CLSPN: variants seen among roughly 807,000 people sequenced by gnomAD.
The protein encoded by CLSPN is claspin, also known as claspin homolog.
A neutral mutation model predicts 156.3 loss-of-function variants in CLSPN; 85 were observed. That is an observed-to-expected ratio of 0.54 (90% CI 0.46 to 0.65). The LOEUF (loss-of-function observed/expected upper bound fraction) is 0.65, where lower values mean the gene tolerates loss of function less well. Ranked by LOEUF, CLSPN falls within the 30% of genes least tolerant of loss-of-function variation. The pLI is 0.00. For missense variants in CLSPN, 1,407 were observed against 1,554.9 expected (o/e 0.90, Z 1.60); for synonymous variants, 534 against 542.4 (o/e 0.98, Z 0.22).
chr1:35,752,716 T>C (rs1337962487), intron 9 of CLSPN, among the ~76,000 whole-genome samples: 1 of 152,072 alleles, frequency 6.6e-6, no homozygotes, highest in Admixed American at 6.5e-5. Context: ...TCTTAAGTGC[T>C]CTGCATATCA....
rs1469757362 is a variant in CLSPN, at chr1:35,747,981, T to A, written c.2553A>T (p.Thr851=). The A allele has an allele frequency of 6.2e-7, 1 of 1,614,174 alleles. No homozygotes were observed. Among genetic ancestry groups the A allele is most frequent in the South Asian group, 1.1e-5 (1 of 91,082 alleles). Reference sequence around the variant, plus strand: ...GGAAGTCTCCTGCTCCTAGGAAAAGTGTCTTAGGCTCTGGGGAGGCGTTAT... The same window carrying A: ...GGAAGTCTCCTGCTCCTAGGAAAAGAGTCTTAGGCTCTGGGGAGGCGTTAT... The part of the protein sequence containing the change: ...DLYNASPEPK[T]LFLGAGDFQF... The change falls in exon 14 of 25, where the codon ACA becomes ACT. Residue 851 remains threonine (T), a synonymous_variant. Coordinates refer to ENST00000318121, the MANE Select transcript of CLSPN (RefSeq NM_022111.4).
chr1:35,746,469 A>T lies in CLSPN; in HGVS notation c.2854+297T>A, dbSNP rs895334185. 6.6e-6 allele frequency among the ~76,000 whole-genome samples: 1 copy of T among 151,350 alleles called. No homozygotes were observed. Among genetic ancestry groups the T allele is most frequent in the Non-Finnish European group, 1.5e-5 (1 of 67,888 alleles). On this transcript the variant is annotated intron_variant, in intron 15 of 24. Coordinates refer to ENST00000318121, the MANE Select transcript of CLSPN (RefSeq NM_022111.4). The surrounding 1 kb of genome is among the most constrained non-coding windows in gnomAD (Gnocchi z 4.2). ...GAGTGCACTGGTGTGATCTCAGCTC[A>T]CTGCAACCTTCATCTCCCAGGCTCA...
intron 10 of CLSPN, 117 bp from the exon 11 acceptor site, chr1:35,749,928 G>T: frequency 8.2e-7 from 1 of 1,212,620 alleles, no homozygotes. Flanking sequence ...AATTCAAAAA[G>T]GTAAACTTGA....
Position 35,760,859 on chromosome 1 carries a change from A to G in CLSPN, c.1062T>C (p.Thr354=), listed in dbSNP as rs1642451526. The G allele has an allele frequency of 1.2e-6, 2 of 1,614,010 alleles. No individual in the cohort carries two copies. The highest frequency in any genetic ancestry group is 4.5e-5 in the East Asian group (2 of 44,878). Reference sequence around the variant, plus strand: ...TACTATGGTGATCACTGTTCATTTCAGTAGTATTTGCAGTGTCTATGATTT... The same window carrying G: ...TACTATGGTGATCACTGTTCATTTCGGTAGTATTTGCAGTGTCTATGATTT... The part of the protein sequence containing the change: ...HKEIIDTANT[T]EMNSDHHSKG... Residue 354 remains threonine, a synonymous_variant, in exon 8 of 25, where the codon ACT becomes ACC. Coordinates refer to ENST00000318121, the MANE Select transcript of CLSPN (RefSeq NM_022111.4).
chr1:35,760,548 C>CCCCCAAAA lies in CLSPN; in HGVS notation c.1372_1373insTTTTGGGG (p.Gly458ValfsTer35), dbSNP rs1272680789. Reference sequence around the variant, plus strand: ...TTCTTCTGGATTTTGGGGGCCTTCACCCTCCAGGGCATGAGGTTCAAATGC... The same window carrying CCCCCAAAA: ...TTCTTCTGGATTTTGGGGGCCTTCACCCCCAAAACCTCCAGGGCATGAGGTTCAAATGC... On this transcript the variant is annotated frameshift_variant, in exon 8 of 25. Transcript: ENST00000318121. LOFTEE classifies it high-confidence loss of function. 2 of 1,614,080 alleles carry CCCCCAAAA rather than the reference C, an allele frequency of 1.2e-6. No homozygotes were observed. Among genetic ancestry groups the CCCCCAAAA allele is most frequent in the Non-Finnish European group, 1.7e-6 (2 of 1,180,044 alleles).
rs1412627245 is a variant in CLSPN, at chr1:35,758,948, AAAC to A, written c.1579+1391_1579+1393del. On this transcript the variant is annotated intron_variant, in intron 8 of 24. Coordinates refer to ENST00000318121, the MANE Select transcript of CLSPN (RefSeq NM_022111.4). Reference sequence around the variant, plus strand: ...TGTGTCTGGCTTTCTTCTCTTTTTTAAACAAAAGATGCTTGAAGAGGTCAAATG... The same window carrying A: ...TGTGTCTGGCTTTCTTCTCTTTTTTAAAAAGATGCTTGAAGAGGTCAAATG... 2.0e-5 allele frequency among the ~76,000 whole-genome samples: 3 copies of A among 151,734 alleles called. No individual in the cohort carries two copies. The East Asian group carries it at 5.8e-4, about 29-fold the overall frequency.
Position 35,749,713 on chromosome 1 carries a change from T to C in CLSPN, c.2127A>G (p.Ala709=), listed in dbSNP as rs1037185225. The C allele has an allele frequency of 2.5e-6, 4 of 1,614,192 alleles. No individual in the cohort carries two copies. Among genetic ancestry groups the C allele is most frequent in the Non-Finnish European group, 3.4e-6 (4 of 1,180,028 alleles). ...NNDGSSEIGK[A]VGFLSVPKSL... is the part of the protein sequence containing the mutation. ...ACTTGGGAACAGAGAGGAAGCCAACTGCCTTGCCAATTTCACTACTGCCAT... is the reference window on the plus strand; with the variant it reads ...ACTTGGGAACAGAGAGGAAGCCAACCGCCTTGCCAATTTCACTACTGCCAT... The change falls in exon 11 of 25, where the codon GCA becomes GCG. Residue 709 remains alanine, a synonymous_variant. Coordinates refer to ENST00000318121, the MANE Select transcript of CLSPN (RefSeq NM_022111.4).
In CLSPN at chr1:35,748,613, A is replaced by G. The variant is rs1162857916; in HGVS notation, c.2273-9T>C. On this transcript the variant is annotated splice_polypyrimidine_tract_variant and intron_variant, in intron 12 of 24. Coordinates refer to ENST00000318121, the MANE Select transcript of CLSPN (RefSeq NM_022111.4). Reference sequence around the variant, plus strand: ...ACATGAATCATCCTCATCTAAAGAAAGAGAAACACCTTTTAAGCACATGAT... The same window carrying G: ...ACATGAATCATCCTCATCTAAAGAAGGAGAAACACCTTTTAAGCACATGAT... 1.9e-6 allele frequency: 3 copies of G among 1,609,636 alleles called. No homozygotes were observed. Among genetic ancestry groups the G allele is most frequent in the Admixed American group, 1.7e-5 (1 of 59,986 alleles).
Position 35,738,546 on chromosome 1 carries a change from G to C in CLSPN, c.3467C>G (p.Ser1156Cys). The C allele has an allele frequency of 6.2e-7, 1 of 1,613,972 alleles. No individual in the cohort carries two copies. Among genetic ancestry groups the C allele is most frequent in the Non-Finnish European group, 8.5e-7 (1 of 1,179,920 alleles). Residue 1156 changes from serine (S) to cysteine (C), a missense_variant, in exon 21 of 25, where the codon TCT becomes TGT. By Grantham distance (112) the Ser-to-Cys change is moderately radical. Around this residue, in one of 3 missense-constraint regions of CLSPN, gnomAD observed 241 missense variants for 240.5 expected, o/e 1.00. Coordinates refer to ENST00000318121, the MANE Select transcript of CLSPN (RefSeq NM_022111.4). ...ASQMDLFHRD[S>C]DDDQTEEQLD... ...CTGTTCTTCAGTCTGATCATCATCA[G>C]AGTCTCTGTGGAACAAGTCCATCTG...
chr1:35,743,713 T>A, intron 16 of CLSPN, 183 bp from the exon 17 acceptor site: 1 of 580,310 alleles, frequency 1.7e-6, no homozygotes, highest in Non-Finnish European at 3.1e-6. Context: ...AACCTCCACC[T>A]CCAGGGCTCA....
intron 11 of CLSPN, 48 bp downstream of exon 11, chr1:35,749,584 AG>A: frequency 6.2e-7 from 1 of 1,613,854 alleles, no homozygotes; most frequent in African/African-American, 1.3e-5. Context: ...TTTTTACAGG[AG>A]GGGCAAATCC....
intron 8 of CLSPN, among the ~76,000 whole-genome samples, chr1:35,758,163 ATTT>A (rs1435197097): frequency 6.6e-6 from 1 of 150,740 alleles, no homozygotes; most frequent in African/African-American, 2.5e-5. Flanking sequence ...ATGAAAGATA[ATTT>A]TTTTGTGTTT....
At chr1:35,757,982 CAG>C (rs1317652702) in intron 8 of CLSPN, among the ~76,000 whole-genome samples, 6 of 151,266 alleles carry the variant, frequency 4.0e-5, no homozygotes, top group African/African-American at 1.5e-4. Context: ...TTTAATGAAA[CAG>C]AATCTTTTTT....
chr1:35,743,389 A>G (rs1428036234), intron 17 of CLSPN, 66 bp downstream of exon 17: 1 of 1,472,482 alleles, frequency 6.8e-7, no homozygotes, highest in African/African-American at 1.4e-5. Flanking sequence ...ACTGAGGGGA[A>G]AAAAACACTT....
chr1:35,738,999 C>T, intron 20 of CLSPN, 137 bp downstream of exon 20: 1 of 973,906 alleles, frequency 1.0e-6, no homozygotes, highest in Non-Finnish European at 1.5e-6. Context: ...CGGGGTTTCA[C>T]CATGTTGTTC....
rs1642023135 is a variant in CLSPN, at chr1:35,749,865, G to A, written c.2029-54C>T. On this transcript the variant is annotated intron_variant, in intron 10 of 24. Transcript: ENST00000318121. The stretch of plus-strand genomic sequence containing the variant: ...AAAATACAAGTCAAAACATTTAAAA[G>A]CAAATACACTGGTAGCCTGAAATAT... The A allele has an allele frequency of 2.1e-5, 33 of 1,571,850 alleles. No homozygotes were observed. In the South Asian group the frequency reaches 3.8e-4, roughly 18 times the overall value.
chr1:35,769,661 G>A (rs1642798680), intron 1 of CLSPN, among the ~76,000 whole-genome samples, 186 bp downstream of exon 1: 5 of 152,116 alleles, frequency 3.3e-5, no homozygotes, highest in Admixed American at 2.0e-4. Context: ...CCGGCGGCGG[G>A]ACGGGATGCC....
At chr1:35,726,079 C>A (rs960717278) in intron 24 of CLSPN, among the ~76,000 whole-genome samples, 18 of 134,244 alleles carry the variant, frequency 1.3e-4, no homozygotes, top group Non-Finnish European at 4.7e-5. Context: ...GTTGGTTGCA[C>A]CCAAACTCAA....
rs1308512622 is a variant in CLSPN, at chr1:35,733,324, T to C, written c.*3172A>G. 3 of 246,832 alleles carry C rather than the reference T, an allele frequency of 1.2e-5. No homozygotes were observed. Among genetic ancestry groups the C allele is most frequent in the African/African-American group, 4.6e-5 (2 of 43,044 alleles). 15.3% of individuals were successfully genotyped at this position (246,832 alleles called of 1,614,324 possible). Reference sequence around the variant, plus strand: ...CACTAATTTTCTTTTTTTTTTCTTTTTTTTTTTTTTTTTAGAGTTGGGATT... The same window carrying C: ...CACTAATTTTCTTTTTTTTTTCTTTCTTTTTTTTTTTTTAGAGTTGGGATT... On this transcript the variant is annotated 3_prime_UTR_variant, in exon 25 of 25. Transcript: ENST00000318121.
Sources: gnomAD v4.1 joint callset for allele counts (sites outside exome capture counted in the v4.1 genomes callset) on GRCh38, gnomAD v4.1.1 for gene constraint, gnomAD v4.1.1 regional missense constraint, Gnocchi (gnomAD v3.1) non-coding constraint, MANE v1.5 for transcripts, NCBI Gene and HGNC (gene_info 2026-07-23, HGNC 2026-07-21) for gene names.